The following BMPR1B variants were observed in gnomAD, a reference collection of about 807,000 sequenced individuals.
The protein encoded by BMPR1B is bone morphogenetic protein receptor type 1B, also known as bone morphogenetic protein receptor type-1B.
In BMPR1B, 12 loss-of-function variants were observed where a neutral mutation model predicts 59.1. The observed-to-expected ratio is 0.20, with a 90% CI of 0.13 to 0.33. The LOEUF (loss-of-function observed/expected upper bound fraction) is 0.33, where lower values mean the gene tolerates loss of function less well. BMPR1B is among the 10% of genes least tolerant of loss of function. The probability of loss-of-function intolerance (pLI) is 1.00; values close to 1 mark genes in which losing one functional copy is unlikely to be tolerated. For synonymous variants in BMPR1B, 237 were observed against 207.3 expected (o/e 1.14, Z -1.23); for missense variants, 550 against 610.9 (o/e 0.90, Z 1.05).
At chr4:94,981,001 A>ACACGCGCGCGTACGCGCG (rs776481058) in intron 2 of BMPR1B, among the ~76,000 whole-genome samples, 2 of 8,078 alleles carry the variant, frequency 2.5e-4, no homozygotes, top group Admixed American at 1.5e-3. Flanking sequence ...TCACACACAC[A>ACACGCGCGCGTACGCGCG]CACACACACA....
Position 94,836,858 on chromosome 4 carries a change from C to T in BMPR1B, c.-182-38973C>T, listed in dbSNP as rs184709384. Reference sequence around the variant, plus strand: ...CATGCCTATGTCCTGAATGGTATTGCCTAGGTTTTCTTCTAGGGTTTTTAT... The same window carrying T: ...CATGCCTATGTCCTGAATGGTATTGTCTAGGTTTTCTTCTAGGGTTTTTAT... On this transcript the variant is annotated intron_variant, in intron 1 of 12. Coordinates refer to ENST00000515059, the MANE Select transcript of BMPR1B (RefSeq NM_001203.3). 6.9e-3 allele frequency among the ~76,000 whole-genome samples: 1,040 copies of T among 149,990 alleles called. 15 individuals are homozygous for T. The highest frequency in any genetic ancestry group is 0.024 in the African/African-American group (961 of 40,708).
intron 6 of BMPR1B, among the ~76,000 whole-genome samples, chr4:95,120,830 A>G (rs1579112617): frequency 7.1e-6 from 1 of 141,080 alleles, no homozygotes; most frequent in African/African-American, 2.7e-5. Context: ...CCTTTTCAAG[A>G]TGGAGTCTCT....
At position 95,075,857 on chromosome 4, in the gene BMPR1B, T is replaced by TC. The variant is rs1243866193; in HGVS notation, c.-17-28547dup. On this transcript the variant is annotated intron_variant, in intron 3 of 12. Transcript: ENST00000515059. ...TAAGGCTTCTGTCCATAGCTTTCTT[T>TC]CCCCTTCCATCCAGCCACTCTCACA... is the stretch of plus-strand genomic sequence containing the variant. 2.0e-5 allele frequency among the ~76,000 whole-genome samples: 3 copies of TC among 152,136 alleles called. 1 individual carries two copies. Among genetic ancestry groups the TC allele is most frequent in the Non-Finnish European group, 4.4e-5 (3 of 68,012 alleles).
intron 1 of BMPR1B, among the ~76,000 whole-genome samples, chr4:94,837,153 T>C (rs1015909319): frequency 6.8e-6 from 1 of 146,444 alleles, no homozygotes; most frequent in African/African-American, 2.5e-5. Flanking sequence ...GCTGTTTTGG[T>C]TACTGTAGCC....
intron 2 of BMPR1B, among the ~76,000 whole-genome samples, chr4:94,903,193 C>A (rs1055777212): frequency 2.6e-5 from 4 of 151,958 alleles, no homozygotes; most frequent in Non-Finnish European, 4.4e-5. Context: ...GAACTTAGGG[C>A]AAAGTGTATT....
intron 11 of BMPR1B, among the ~76,000 whole-genome samples, chr4:95,151,598 A>G (rs1343403120): frequency 6.6e-6 from 1 of 152,162 alleles, no homozygotes; most frequent in African/African-American, 2.4e-5. Flanking sequence ...GGTCTGAAAA[A>G]ACTTCTGAAC....
At chr4:94,926,273 A>G (rs895865651) in intron 2 of BMPR1B, among the ~76,000 whole-genome samples, 2 of 151,808 alleles carry the variant, frequency 1.3e-5, no homozygotes, top group Non-Finnish European at 1.5e-5. Flanking sequence ...CGTTCTGAAT[A>G]GATGTTTTAT....
chr4:94,948,776 A>C (rs892299791), intron 2 of BMPR1B, among the ~76,000 whole-genome samples: 7 of 152,138 alleles, frequency 4.6e-5, no homozygotes, highest in Non-Finnish European at 2.9e-5. Flanking sequence ...TTTTTCTTTC[A>C]TTTTAAACTA....
At chr4:94,901,542 A>G (rs1727809608) in intron 2 of BMPR1B, among the ~76,000 whole-genome samples, 1 of 152,018 alleles carries the variant, frequency 6.6e-6, no homozygotes, top group Non-Finnish European at 1.5e-5. Flanking sequence ...TATATTTAAC[A>G]TGACTGAGAG....
chr4:94,821,080 T>A (rs1449546077), intron 1 of BMPR1B, among the ~76,000 whole-genome samples: 1 of 152,218 alleles, frequency 6.6e-6, no homozygotes, highest in Non-Finnish European at 1.5e-5. Context: ...CACTTCAGAA[T>A]TTCATGTTTA....
intron 3 of BMPR1B, among the ~76,000 whole-genome samples, chr4:95,071,506 TAAG>T (rs1419033674): frequency 1.3e-5 from 2 of 151,872 alleles, no homozygotes; most frequent in Admixed American, 6.6e-5. Context: ...TGCAGTACAC[TAAG>T]AAGATGTTAA....
intron 1 of BMPR1B, among the ~76,000 whole-genome samples, chr4:94,810,593 T>C (rs1278707372): frequency 6.6e-6 from 1 of 152,186 alleles, no homozygotes; most frequent in Non-Finnish European, 1.5e-5. Flanking sequence ...GCAAATGCAA[T>C]TTGATTTATA....
At chr4:95,090,024 C>G (rs554553990) in intron 3 of BMPR1B, among the ~76,000 whole-genome samples, 12 of 152,006 alleles carry the variant, frequency 7.9e-5, no homozygotes, top group Admixed American at 1.3e-4. Flanking sequence ...GGGTGTTACT[C>G]GGAAATTGAA....
intron 3 of BMPR1B, among the ~76,000 whole-genome samples, chr4:95,017,425 G>A (rs568440380): frequency 1.2e-3 from 187 of 152,272 alleles, no homozygotes; most frequent in Non-Finnish European, 2.2e-3. Context: ...TGTGGCCTCT[G>A]CATGTTCATA....
chr4:94,934,412 T>G lies in BMPR1B; in HGVS notation c.-113+58512T>G, dbSNP rs1729207532. Among the ~76,000 whole-genome samples, 5 of 151,832 alleles carry G rather than the reference T, an allele frequency of 3.3e-5. No homozygotes were observed. The South Asian group carries it at 1.0e-3, about 32-fold the overall frequency. On this transcript the variant is annotated intron_variant, in intron 2 of 12. Coordinates refer to ENST00000515059, the MANE Select transcript of BMPR1B (RefSeq NM_001203.3). ...CCAATCTACCGCTGACTCACGTGCA[T>G]GTTTCTGCCTTTAGGTCAGTGGGAA...
At chr4:94,850,901 A>T (rs1247456919) in intron 1 of BMPR1B, among the ~76,000 whole-genome samples, 1 of 152,142 alleles carries the variant, frequency 6.6e-6, no homozygotes, top group Non-Finnish European at 1.5e-5. Context: ...TCCATTTCCC[A>T]TGAGGGCAAT....
At chr4:95,018,967 G>A (rs1723780685) in intron 3 of BMPR1B, among the ~76,000 whole-genome samples, 1 of 152,138 alleles carries the variant, frequency 6.6e-6, no homozygotes, top group African/African-American at 2.4e-5. Flanking sequence ...AGCAATGTCT[G>A]TGTAATCTTT....
At chr4:94,949,563 G>A (rs1389232661) in intron 2 of BMPR1B, among the ~76,000 whole-genome samples, 5 of 56,762 alleles carry the variant, frequency 8.8e-5, no homozygotes, top group African/African-American at 4.2e-4. Context: ...TGATCCACCC[G>A]CCTCGGCCTC....
chr4:95,005,317 A>G (rs1578913099), intron 3 of BMPR1B, among the ~76,000 whole-genome samples: 1 of 152,326 alleles, frequency 6.6e-6, no homozygotes, highest in Non-Finnish European at 1.5e-5. Context: ...TTAGCTGTGT[A>G]TTGCCAGTGG....
Sources: allele counts gnomAD v4.1 joint callset (sites outside exome capture counted in the v4.1 genomes callset), GRCh38; gene constraint gnomAD v4.1.1; transcripts MANE v1.5; gene names NCBI Gene and HGNC (gene_info 2026-07-23, HGNC 2026-07-21).